The following FHIT variants were observed in gnomAD, a reference collection of about 807,000 sequenced individuals.
FHIT encodes fragile histidine triad diadenosine triphosphatase.
Under a neutral mutation model 17.9 loss-of-function variants are expected in FHIT, and 19 were observed. The observed-to-expected ratio is 1.06, with a 90% confidence interval of 0.74 to 1.56. The LOEUF is 1.56. Among genes scored for constraint, FHIT ranks in the 40% most tolerant of loss-of-function variants. The pLI, the probability that FHIT is intolerant of heterozygous loss-of-function variation, is 0.00. For synonymous variants in FHIT, 81 were observed against 69.7 expected (o/e 1.16, Z -0.81); for missense variants, 248 against 189.2 (o/e 1.31, Z -1.82).
At chr3:59,965,818 T>A (rs984761950) in intron 7 of FHIT, among the ~76,000 whole-genome samples, 47 of 152,132 alleles carry the variant, frequency 3.1e-4, no homozygotes, top group African/African-American at 1.1e-3. Context: ...CAAATGAAAC[T>A]AGATCAGCAC....
chr3:60,429,395 T>C (rs751883063), intron 5 of FHIT, among the ~76,000 whole-genome samples: 10 of 151,892 alleles, frequency 6.6e-5, no homozygotes, highest in Non-Finnish European at 1.3e-4. Context: ...AAGAGCTAAA[T>C]ATGGAGACAA....
intron 4 of FHIT, among the ~76,000 whole-genome samples, chr3:60,595,050 C>T (rs2038212821): frequency 1.3e-5 from 2 of 152,108 alleles, no homozygotes; most frequent in South Asian, 2.1e-4. Flanking sequence ...AGTCCCAAGG[C>T]GTCTACCTGG....
intron 5 of FHIT, among the ~76,000 whole-genome samples, chr3:60,519,774 G>A (rs543515386): frequency 6.6e-6 from 1 of 152,210 alleles, no homozygotes; most frequent in South Asian, 2.1e-4. Flanking sequence ...TTGGGAGCAC[G>A]TCCAGCATCA....
intron 2 of FHIT, among the ~76,000 whole-genome samples, chr3:61,116,544 A>G (rs574357124): frequency 1.3e-5 from 2 of 152,252 alleles, no homozygotes; most frequent in East Asian, 3.9e-4. Flanking sequence ...ACAAATTCTA[A>G]AATAAGTGGT....
chr3:59,949,916 G>A (rs79060102), intron 7 of FHIT, among the ~76,000 whole-genome samples: 1,550 of 152,254 alleles, frequency 0.01, 30 homozygotes, highest in African/African-American at 0.035. Flanking sequence ...CAACAACAAT[G>A]CATAATTAAA....
chr3:60,889,919 T>C (rs1177876670), intron 3 of FHIT, among the ~76,000 whole-genome samples: 4 of 152,164 alleles, frequency 2.6e-5, no homozygotes, highest in South Asian at 2.1e-4. Flanking sequence ...CTTTAAGATA[T>C]AGATGTTTAA....
At chr3:60,318,769 A>G (rs1171558039) in intron 5 of FHIT, among the ~76,000 whole-genome samples, 1 of 152,226 alleles carries the variant, frequency 6.6e-6, no homozygotes, top group Non-Finnish European at 1.5e-5. Flanking sequence ...GAGTGGTTAA[A>G]AATAATACAA....
At chr3:59,851,386 C>G (rs1701928479) in intron 8 of FHIT, among the ~76,000 whole-genome samples, 2 of 152,230 alleles carry the variant, frequency 1.3e-5, no homozygotes, top group Non-Finnish European at 2.9e-5. Context: ...TATTTCATAT[C>G]CATTATTGTA....
chr3:60,121,709 A>AACACAC (rs57250663), intron 5 of FHIT, among the ~76,000 whole-genome samples: 38 of 116,416 alleles, frequency 3.3e-4, no homozygotes, highest in African/African-American at 5.4e-4. Context: ...AAACAAAACA[A>AACACAC]ACACACACAC....
intron 5 of FHIT, among the ~76,000 whole-genome samples, chr3:60,079,584 T>C (rs1317535415): frequency 2.6e-5 from 4 of 152,074 alleles, no homozygotes; most frequent in African/African-American, 9.7e-5. Flanking sequence ...GTCACTCATA[T>C]GCCACCCACT....
intron 2 of FHIT, among the ~76,000 whole-genome samples, chr3:61,125,479 C>A (rs1470171323): frequency 1.3e-5 from 2 of 152,148 alleles, no homozygotes; most frequent in Admixed American, 1.3e-4. Flanking sequence ...ATAAAAAGTT[C>A]ATAAATAACC....
At chr3:60,226,493 A>AAAAAAAAAC (rs200934161) in intron 5 of FHIT, among the ~76,000 whole-genome samples, 1 of 147,058 alleles carries the variant, frequency 6.8e-6, no homozygotes, top group African/African-American at 2.7e-5. Flanking sequence ...AAAAAAAAAA[A>AAAAAAAAAC]ACACTGCCTG....
At chr3:60,692,945 A>G (rs993591840) in intron 4 of FHIT, among the ~76,000 whole-genome samples, 1 of 152,220 alleles carries the variant, frequency 6.6e-6, no homozygotes, top group African/African-American at 2.4e-5. Context: ...CAGCCAAATG[A>G]TTAAAGGTCT....
At chr3:60,533,138 C>T (rs150560604) in intron 5 of FHIT, among the ~76,000 whole-genome samples, 3 of 152,208 alleles carry the variant, frequency 2.0e-5, no homozygotes, top group Admixed American at 1.3e-4. Flanking sequence ...ACTCCCTACA[C>T]TCACACGCTT....
At chr3:60,207,765 G>C (rs147631134) in intron 5 of FHIT, among the ~76,000 whole-genome samples, 1 of 152,182 alleles carries the variant, frequency 6.6e-6, no homozygotes, top group African/African-American at 2.4e-5. Context: ...GCATTGTCAT[G>C]AGAATGTGTG....
chr3:60,229,349 G>T (rs1366624345), intron 5 of FHIT, among the ~76,000 whole-genome samples: 2 of 151,628 alleles, frequency 1.3e-5, no homozygotes, highest in African/African-American at 4.8e-5. Flanking sequence ...CCAGGGAGGC[G>T]GAGGTTGCAG....
At chr3:61,113,795 T>C (rs1471266959) in intron 2 of FHIT, among the ~76,000 whole-genome samples, 1 of 152,088 alleles carries the variant, frequency 6.6e-6, no homozygotes, top group Non-Finnish European at 1.5e-5. Context: ...GAGGAATAAA[T>C]GAAGGAAGCA....
At chr3:61,111,007 C>G (rs1034374078) in intron 2 of FHIT, among the ~76,000 whole-genome samples, 1 of 152,102 alleles carries the variant, frequency 6.6e-6, no homozygotes, top group Non-Finnish European at 1.5e-5. Context: ...CTATGGCCCC[C>G]GAAACAAACA....
intron 5 of FHIT, among the ~76,000 whole-genome samples, chr3:60,434,180 C>A (rs1311137876): frequency 6.6e-6 from 1 of 152,064 alleles, no homozygotes; most frequent in Non-Finnish European, 1.5e-5. Context: ...CTTGTCTGTA[C>A]CGTTTCTCTC....
Sources: gnomAD v4.1 joint callset for allele counts (sites outside exome capture counted in the v4.1 genomes callset) on GRCh38, gnomAD v4.1.1 for gene constraint, MANE v1.5 for transcripts, NCBI Gene and HGNC (gene_info 2026-07-23, HGNC 2026-07-21) for gene names.